RTN4RL1: variants seen among roughly 807,000 people sequenced by gnomAD.
RTN4RL1 encodes the protein reticulon 4 receptor like 1.
In RTN4RL1, 7 loss-of-function variants were observed where a neutral mutation model predicts 25.6. The ratio of observed to expected loss-of-function variants is 0.27; its 90% CI spans 0.16 to 0.51. The LOEUF (loss-of-function observed/expected upper bound fraction) is 0.51, where lower values mean the gene tolerates loss of function less well. Ranked by LOEUF, RTN4RL1 falls within the 20% of genes least tolerant of loss-of-function variation. The probability of loss-of-function intolerance (pLI) is 0.97; values close to 1 mark genes in which losing one functional copy is unlikely to be tolerated. For missense variants in RTN4RL1, 500 were observed against 615.6 expected, an observed-to-expected ratio of 0.81 and a Z score of 1.99; for synonymous variants, 297 against 288.2, an observed-to-expected ratio of 1.03 and a Z score of -0.31.
intron 1 of RTN4RL1, among the ~76,000 whole-genome samples, chr17:1,939,245 T>C (rs533731849): frequency 1.8e-4 from 27 of 149,184 alleles, no homozygotes; most frequent in East Asian, 1.0e-3. Flanking sequence ...CCCAGCTACT[T>C]GGGAGGCTGA....
chr17:1,945,008 C>G lies in RTN4RL1; in HGVS notation c.14-7200G>C, dbSNP rs539758234. On this transcript the variant is annotated intron_variant, in intron 1 of 1. Transcript: ENST00000331238. ...CCCAGTTGGATCTGAGCTGCCACCC[C>G]CTCCTTCCCTCCCCAGCCGCAGTGG... Among the ~76,000 whole-genome samples, 38 of 152,244 alleles carry G rather than the reference C, an allele frequency of 2.5e-4. 1 individual carries two copies. In the South Asian group the frequency reaches 6.9e-3, roughly 27 times the overall value.
intron 1 of RTN4RL1, among the ~76,000 whole-genome samples, chr17:1,995,282 C>T (rs2066924409): frequency 2.6e-5 from 4 of 152,062 alleles, no homozygotes; most frequent in South Asian, 2.1e-4. Context: ...AAAAATTAGC[C>T]GGGCATGGTG....
chr17:1,942,263 C>T (rs1171090639), intron 1 of RTN4RL1, among the ~76,000 whole-genome samples: 4 of 152,168 alleles, frequency 2.6e-5, no homozygotes, highest in South Asian at 2.1e-4. Context: ...TGAGCTCACC[C>T]GCATCTCTGA....
chr17:2,019,663 G>A (rs180933025), intron 1 of RTN4RL1: 2 of 152,334 alleles, frequency 1.3e-5, no homozygotes, highest in East Asian at 3.9e-4. Flanking sequence ...TCTCTACCTG[G>A]TCTCCATCAA....
rs56045014 is a variant in RTN4RL1 at position 1,939,352 on chromosome 17, CAATAAATAAATAAATA to C, written c.14-1560_14-1545del. 3.8e-4 allele frequency among the ~76,000 whole-genome samples: 53 copies of C among 139,972 alleles called. 1 individual carries two copies. Among genetic ancestry groups the C allele is most frequent in the Middle Eastern group, 7.2e-3 (2 of 278 alleles). 91.8% of individuals were successfully genotyped at this position (139,972 alleles called of 152,430 possible). A position where few individuals can be genotyped will look rare whatever the true frequency, so the allele number is the denominator to read the frequency against. ...TGGGCGACAGAGCGAAACTCCGTCTCAATAAATAAATAAATAAATAAATAAATAAATAAATAAATAA... is the reference window on the plus strand; with the variant it reads ...TGGGCGACAGAGCGAAACTCCGTCTCAATAAATAAATAAATAAATAAATAA... On this transcript the variant is annotated intron_variant, in intron 1 of 1. Transcript: ENST00000331238.
chr17:2,005,237 G>C (rs2066985169), intron 1 of RTN4RL1, among the ~76,000 whole-genome samples: 1 of 152,020 alleles, frequency 6.6e-6, no homozygotes. Flanking sequence ...AAACTCCTGG[G>C]CTCAAGTGAT....
chr17:2,000,762 C>T (rs1241734615), intron 1 of RTN4RL1, among the ~76,000 whole-genome samples: 1 of 152,094 alleles, frequency 6.6e-6, no homozygotes, highest in East Asian at 1.9e-4. Context: ...TCAGGTGATC[C>T]GCCCAGCTCA....
intron 1 of RTN4RL1, among the ~76,000 whole-genome samples, chr17:1,982,199 G>A (rs1254006901): frequency 6.6e-6 from 1 of 152,214 alleles, no homozygotes; most frequent in Non-Finnish European, 1.5e-5. Flanking sequence ...TATTCAGGAG[G>A]ATGAGGCAGG....
intron 1 of RTN4RL1, among the ~76,000 whole-genome samples, chr17:1,956,201 A>C (rs933586751): frequency 5.9e-5 from 9 of 152,174 alleles, no homozygotes; most frequent in African/African-American, 2.2e-4. Flanking sequence ...CTCAGCAGGC[A>C]GAGGGGCCCC....
intron 1 of RTN4RL1, among the ~76,000 whole-genome samples, chr17:1,967,727 C>A (rs933554038): frequency 5.3e-5 from 8 of 152,116 alleles, no homozygotes; most frequent in Non-Finnish European, 1.2e-4. Context: ...GCAACCTCCT[C>A]CTCCCAGGTT....
intron 1 of RTN4RL1, among the ~76,000 whole-genome samples, chr17:1,940,379 C>G (rs558233858): frequency 6.6e-6 from 1 of 152,324 alleles, no homozygotes; most frequent in South Asian, 2.1e-4. Context: ...TTCTGTCCCG[C>G]CCAGTGCACA....
intron 1 of RTN4RL1, among the ~76,000 whole-genome samples, chr17:1,985,107 T>C (rs1429770883): frequency 6.6e-6 from 1 of 152,276 alleles, no homozygotes; most frequent in Non-Finnish European, 1.5e-5. Flanking sequence ...CTTTGTTCCT[T>C]TTTAACTGAT....
Position 1,936,503 on chromosome 17 carries a change from A to T in RTN4RL1, c.1319T>A (p.Leu440His). ...TGCTGACGCCCTGGGTCCTCAGCGG[A>T]GAGTGACCGCCAGCCCCAGTGTCCA... ...LAWTLGLAVT[L>H]R The change falls in exon 2 of 2, where the codon CTC (leucine) becomes CAC (histidine). Residue 440 changes from leucine to histidine, a missense_variant. Coordinates refer to ENST00000331238, the MANE Select transcript of RTN4RL1 (RefSeq NM_178568.4). 6.5e-7 allele frequency: 1 copy of T among 1,544,572 alleles called. No homozygotes were observed. Among genetic ancestry groups the T allele is most frequent in the Non-Finnish European group, 8.7e-7 (1 of 1,147,992 alleles).
chr17:1,946,049 G>A (rs1915531882), intron 1 of RTN4RL1, among the ~76,000 whole-genome samples: 1 of 152,114 alleles, frequency 6.6e-6, no homozygotes, highest in Non-Finnish European at 1.5e-5. Context: ...TCAATCACGG[G>A]GTGACCACAC....
intron 1 of RTN4RL1, among the ~76,000 whole-genome samples, chr17:1,993,030 G>A (rs1189706286): frequency 6.6e-6 from 1 of 152,034 alleles, no homozygotes. Flanking sequence ...ATCGCCTGAG[G>A]TCAGCAGTTC....
chr17:1,991,882 T>C (rs2066910439), intron 1 of RTN4RL1, among the ~76,000 whole-genome samples: 1 of 152,182 alleles, frequency 6.6e-6, no homozygotes, highest in Non-Finnish European at 1.5e-5. Flanking sequence ...GATCAATTCC[T>C]GGAAGTGGAA....
At chr17:1,974,675 C>T (rs1294293270) in intron 1 of RTN4RL1, among the ~76,000 whole-genome samples, 2 of 150,512 alleles carry the variant, frequency 1.3e-5, no homozygotes, top group South Asian at 4.2e-4. Context: ...CGGGCTCTGA[C>T]CAGAGCGAGA....
chr17:1,979,380 G>C (rs557814070), intron 1 of RTN4RL1, among the ~76,000 whole-genome samples: 14 of 152,158 alleles, frequency 9.2e-5, no homozygotes, highest in South Asian at 2.1e-4. Context: ...AGGAGGCTGA[G>C]GTGGGAGGAT....
chr17:1,961,619 CCACAGA>C (rs1329033820), intron 1 of RTN4RL1, among the ~76,000 whole-genome samples: 1 of 151,802 alleles, frequency 6.6e-6, no homozygotes, highest in Non-Finnish European at 1.5e-5. Flanking sequence ...TCTGGACACC[CCACAGA>C]CACAAAGAAA....
Sources: gnomAD v4.1 joint callset for allele counts (sites outside exome capture counted in the v4.1 genomes callset) on GRCh38, gnomAD v4.1.1 for gene constraint, MANE v1.5 for transcripts, NCBI Gene and HGNC (gene_info 2026-07-23, HGNC 2026-07-21) for gene names.